The following PCDHA9 variants were observed in gnomAD, a reference collection of about 807,000 sequenced individuals.
The protein encoded by PCDHA9 is protocadherin alpha 9, also known as protocadherin alpha-9.
A neutral mutation model predicts 62.0 loss-of-function variants in PCDHA9; 62 were observed. The ratio of observed to expected loss-of-function variants is 1.00; its 90% CI spans 0.81 to 1.23. The LOEUF (loss-of-function observed/expected upper bound fraction) is 1.23, where lower values mean the gene tolerates loss of function less well. Among genes scored for constraint, PCDHA9 ranks in the 50% most tolerant of loss-of-function variants. PCDHA9 has a pLI of 0.00. For synonymous variants in PCDHA9, 557 were observed against 567.6 expected (o/e 0.98, Z 0.27); for missense variants, 1,205 against 1,249.8 (o/e 0.96, Z 0.54).
At chr5:140,938,218 T>A (rs1050033125) in intron 1 of PCDHA9, among the ~76,000 whole-genome samples, 3 of 152,210 alleles carry the variant, frequency 2.0e-5, no homozygotes, top group Admixed American at 2.0e-4. Context: ...AGTGCTGGGA[T>A]TACAGGCATA....
intron 1 of PCDHA9, among the ~76,000 whole-genome samples, chr5:140,878,322 T>C (rs2057540228): frequency 6.6e-6 from 1 of 152,228 alleles, no homozygotes; most frequent in Non-Finnish European, 1.5e-5. Context: ...CATTTTCACA[T>C]TATATTCCAG....
At chr5:140,856,260 G>T (rs782445424) in intron 1 of PCDHA9, 1 of 1,598,174 alleles carries the variant, frequency 6.3e-7, no homozygotes, top group Non-Finnish European at 8.6e-7. Context: ...AAAAGACACG[G>T]GGACCTTCTG....
At chr5:140,853,717 A>G in intron 1 of PCDHA9, 1 of 988,104 alleles carries the variant, frequency 1.0e-6, no homozygotes, top group Non-Finnish European at 1.2e-6. Context: ...CATTAGCAGC[A>G]CCTAAGTCCT....
intron 1 of PCDHA9, chr5:140,881,263 G>A: frequency 1.7e-6 from 1 of 575,868 alleles, no homozygotes; most frequent in Non-Finnish European, 2.2e-6. Flanking sequence ...TTTACTCAGT[G>A]ATGATGAAGT....
intron 1 of PCDHA9, chr5:140,858,561 C>A: frequency 7.3e-7 from 1 of 1,370,342 alleles, no homozygotes; most frequent in South Asian, 1.3e-5. Context: ...TTGAATATTT[C>A]TAGTGATACC....
Position 140,858,511 on chromosome 5 carries a change from G to A in PCDHA9, c.2394+7622G>A. ...TCTCTTACCGCATTTTCTCAAATAT[G>A]TATCAGAATATTTCATTTTTGTCTA... On this transcript the variant is annotated intron_variant, in intron 1 of 3. Transcript: ENST00000532602. 5 of 1,433,712 alleles carry A rather than the reference G, an allele frequency of 3.5e-6. 1 individual carries two copies. The highest frequency in any genetic ancestry group is 4.8e-6 in the Non-Finnish European group (5 of 1,040,150). 88.8% of individuals were successfully genotyped at this position (1,433,712 alleles called of 1,614,324 possible).
chr5:140,856,457 CA>C, intron 1 of PCDHA9: 1 of 1,598,330 alleles, frequency 6.3e-7, no homozygotes, highest in East Asian at 2.2e-5. Context: ...CGTAACAGAA[CA>C]AAAGCTCTCA....
At chr5:140,966,172 G>A in intron 1 of PCDHA9, 1 of 184,672 alleles carries the variant, frequency 5.4e-6, no homozygotes, top group East Asian at 1.4e-4. Context: ...TTTTCCTGGG[G>A]AGCTGATAGC....
intron 1 of PCDHA9, chr5:140,864,329 T>C (rs1381036358): frequency 1.3e-5 from 2 of 152,196 alleles, no homozygotes; most frequent in Non-Finnish European, 2.9e-5. Flanking sequence ...ATCATAATTA[T>C]TTGAGTTTAA....
chr5:140,949,935 T>C (rs1554219235), intron 1 of PCDHA9, among the ~76,000 whole-genome samples: 1 of 151,898 alleles, frequency 6.6e-6, no homozygotes, highest in East Asian at 1.9e-4. Context: ...TTTTTTTTAA[T>C]TTGCATTTTT....
rs538024116 is a variant in PCDHA9 at position 140,945,235 on chromosome 5, T to C, written c.2395-33714T>C. Among the ~76,000 whole-genome samples the C allele has an allele frequency of 1.1e-4, 17 of 152,128 alleles. No homozygotes were observed. In the South Asian group the frequency reaches 3.5e-3, roughly 32 times the overall value. On this transcript the variant is annotated intron_variant, in intron 1 of 3. Coordinates refer to ENST00000532602, the MANE Select transcript of PCDHA9 (RefSeq NM_031857.2). ...GAAAATAAAAATACTTAGGAATAAA[T>C]TTAACCAAGAGGATGAAAGACCTGC...
chr5:140,856,327 G>C, intron 1 of PCDHA9: 1 of 1,598,708 alleles, frequency 6.3e-7, no homozygotes, highest in Non-Finnish European at 8.6e-7. Flanking sequence ...ACCGCGAGGA[G>C]CTGTGCGGGC....
At position 141,010,166 on chromosome 5, in the gene PCDHA9, A is replaced by T; in HGVS notation, c.*229A>T. 1 of 1,562,828 alleles carries T rather than the reference A, an allele frequency of 6.4e-7. No individual in the cohort carries two copies. On this transcript the variant is annotated 3_prime_UTR_variant, in exon 4 of 4. Coordinates refer to ENST00000532602, the MANE Select transcript of PCDHA9 (RefSeq NM_031857.2). ...TCTCTCCACTCTGGCTTGTTTTCAG[A>T]ACCTAAAAAGCAGACCCAAGTTTCC... is the stretch of plus-strand genomic sequence containing the variant.
At chr5:141,002,555 A>T (rs1349538713) in intron 3 of PCDHA9, among the ~76,000 whole-genome samples, 1 of 152,222 alleles carries the variant, frequency 6.6e-6, no homozygotes, top group African/African-American at 2.4e-5. Flanking sequence ...CCCAGGATCC[A>T]CCAGTTAGTG....
chr5:140,882,209 A>T, intron 1 of PCDHA9: 1 of 1,531,724 alleles, frequency 6.5e-7, no homozygotes, highest in Non-Finnish European at 8.8e-7. Context: ...GCCTTGAGAG[A>T]CAGTTTGAGG....
intron 1 of PCDHA9, among the ~76,000 whole-genome samples, chr5:140,911,947 G>A (rs559007219): frequency 1.4e-4 from 22 of 152,262 alleles, no homozygotes; most frequent in Non-Finnish European, 2.5e-4. Context: ...TATATATAAA[G>A]GGGAGGTTAC....
At chr5:140,905,787 G>C (rs1468265319) in intron 1 of PCDHA9, among the ~76,000 whole-genome samples, 1 of 152,012 alleles carries the variant, frequency 6.6e-6, no homozygotes, top group African/African-American at 2.4e-5. Flanking sequence ...TATTAGTCAG[G>C]GTTCTCTAGA....
intron 1 of PCDHA9, chr5:140,881,421 C>G: frequency 1.1e-6 from 1 of 907,614 alleles, no homozygotes; most frequent in South Asian, 5.1e-5. Context: ...GATATTAGTT[C>G]CAGGCATATT....
chr5:140,980,359 C>T (rs369647369), intron 2 of PCDHA9, among the ~76,000 whole-genome samples: 1 of 152,114 alleles, frequency 6.6e-6, no homozygotes. Context: ...GGACTGGGCG[C>T]GGTGGCTCAC....
Sources: gnomAD v4.1 joint callset for allele counts (sites outside exome capture counted in the v4.1 genomes callset) on GRCh38, gnomAD v4.1.1 for gene constraint, MANE v1.5 for transcripts, NCBI Gene and HGNC (gene_info 2026-07-23, HGNC 2026-07-21) for gene names.